The following LARGE1 variants were observed in gnomAD, a reference collection of about 807,000 sequenced individuals.
LARGE1 encodes xylosyl- and glucuronyltransferase LARGE1.
LARGE1 carries 43 observed loss-of-function variants against 87.6 expected under a neutral mutation model. The ratio of observed to expected loss-of-function variants is 0.49; its 90% CI spans 0.38 to 0.63. The LOEUF is 0.63. Ranked by LOEUF, LARGE1 falls within the 30% of genes least tolerant of loss-of-function variation. The probability of loss-of-function intolerance (pLI) is 0.00; values close to 1 mark genes in which losing one functional copy is unlikely to be tolerated. For missense variants in LARGE1, 802 were observed against 1,000.2 expected (o/e 0.80, Z 2.67); for synonymous variants, 434 against 394.6 (o/e 1.10, Z -1.18).
intron 2 of LARGE1, chr22:33,733,526 A>G (rs2083543110): frequency 6.6e-6 from 1 of 152,224 alleles, no homozygotes; most frequent in South Asian, 2.1e-4. Flanking sequence ...TAGAGATGAC[A>G]CATATATCTT....
intron 2 of LARGE1, among the ~76,000 whole-genome samples, chr22:33,748,421 C>T (rs575580718): frequency 8.5e-5 from 13 of 152,312 alleles, no homozygotes; most frequent in Non-Finnish European, 1.8e-4. Context: ...ATATTCAACT[C>T]TGTTGACTCC....
chr22:33,763,148 T>C (rs1421832030), intron 1 of LARGE1, among the ~76,000 whole-genome samples: 1 of 152,158 alleles, frequency 6.6e-6, no homozygotes, highest in Non-Finnish European at 1.5e-5. Flanking sequence ...AAACTTAGCA[T>C]ATTGCCTGTC....
rs766168188 is a variant in LARGE1, at chr22:33,650,671, G to A, written c.107-3C>T. 6.3e-7 allele frequency: 1 copy of A among 1,599,346 alleles called. No homozygotes were observed. The highest frequency in any genetic ancestry group is 8.5e-7 in the Non-Finnish European group (1 of 1,179,924). Reference sequence around the variant, plus strand: ...TGACAGAGACACGGGCTTTCCATCTGGGGAGCGAAACACCAGGGAAGCTTT... The same window carrying A: ...TGACAGAGACACGGGCTTTCCATCTAGGGAGCGAAACACCAGGGAAGCTTT... On this transcript the variant is annotated splice_polypyrimidine_tract_variant and splice_region_variant and intron_variant, in intron 2 of 14. Transcript: ENST00000397394.
chr22:33,658,279 A>G (rs746255517), intron 2 of LARGE1, among the ~76,000 whole-genome samples: 2 of 152,232 alleles, frequency 1.3e-5, no homozygotes, highest in Admixed American at 6.5e-5. Flanking sequence ...CAGCATTTAA[A>G]AAAAAATTTT....
intron 13 of LARGE1, among the ~76,000 whole-genome samples, chr22:33,277,619 G>T (rs1176787295): frequency 6.6e-6 from 1 of 152,188 alleles, no homozygotes; most frequent in Non-Finnish European, 1.5e-5. Flanking sequence ...ATCAAAGATT[G>T]CTAAACACTG....
Position 33,849,862 on chromosome 22 carries a change from A to C in LARGE1, c.-83+70133T>G, listed in dbSNP as rs1386222919. On this transcript the variant is annotated intron_variant, in intron 1 of 14. Coordinates refer to ENST00000397394, the MANE Select transcript of LARGE1 (RefSeq NM_133642.5). ...GCGATCCTCCCGCCTCTGCCTCCCA[A>C]AGTACTGGGATTACAGGCGTGAGCC... 2.0e-5 allele frequency among the ~76,000 whole-genome samples: 3 copies of C among 151,992 alleles called. No individual in the cohort carries two copies. The East Asian group carries it at 5.8e-4, about 29-fold the overall frequency.
chr22:33,887,970 C>T (rs1176916776), intron 1 of LARGE1, among the ~76,000 whole-genome samples: 3 of 152,306 alleles, frequency 2.0e-5, no homozygotes, highest in African/African-American at 7.2e-5. Context: ...GAATATGGTC[C>T]ACTTTGCTCA....
At chr22:33,312,209 C>T (rs1430728129) in intron 11 of LARGE1, among the ~76,000 whole-genome samples, 1 of 151,936 alleles carries the variant, frequency 6.6e-6, no homozygotes, top group African/African-American at 2.4e-5. Flanking sequence ...TTTGGGAGGC[C>T]AAGGTGGGCA....
intron 1 of LARGE1, among the ~76,000 whole-genome samples, chr22:33,875,089 T>A (rs1055746423): frequency 2.0e-5 from 3 of 152,174 alleles, no homozygotes; most frequent in Non-Finnish European, 4.4e-5. Context: ...GCTCAACAAC[T>A]CACTCACTAG....
At chr22:33,852,123 T>C (rs2063600276) in intron 1 of LARGE1, among the ~76,000 whole-genome samples, 1 of 152,202 alleles carries the variant, frequency 6.6e-6, no homozygotes, top group African/African-American at 2.4e-5. Flanking sequence ...GAAGGAACTA[T>C]TCTTTGTAAT....
chr22:33,878,100 A>AAAT (rs531888960), intron 1 of LARGE1, among the ~76,000 whole-genome samples: 64 of 130,544 alleles, frequency 4.9e-4, no homozygotes, highest in Non-Finnish European at 8.5e-4. Context: ...AAAATATTTA[A>AAAT]AATTATGTAT....
chr22:33,299,040 C>A (rs1009861702), intron 12 of LARGE1, among the ~76,000 whole-genome samples: 1 of 151,348 alleles, frequency 6.6e-6, no homozygotes, highest in Non-Finnish European at 1.5e-5. Flanking sequence ...GAAACCCTGT[C>A]TTTACAAATG....
intron 6 of LARGE1, among the ~76,000 whole-genome samples, chr22:33,506,420 A>G (rs551008267): frequency 1.3e-5 from 2 of 152,256 alleles, no homozygotes; most frequent in South Asian, 4.1e-4. Flanking sequence ...TCCTCGAGGA[A>G]ACCCTTCCTC....
chr22:33,464,493 G>A (rs1017932395), intron 6 of LARGE1, among the ~76,000 whole-genome samples: 3 of 152,128 alleles, frequency 2.0e-5, no homozygotes, highest in African/African-American at 7.2e-5. Context: ...GGCTTAGTTT[G>A]CAGAACAGAT....
intron 12 of LARGE1, among the ~76,000 whole-genome samples, chr22:33,300,443 A>G (rs1933992319): frequency 6.6e-6 from 1 of 152,152 alleles, no homozygotes; most frequent in Non-Finnish European, 1.5e-5. Context: ...TGGCACAATC[A>G]TGGCTCACTC....
At chr22:33,661,918 T>C (rs1482942602) in intron 2 of LARGE1, among the ~76,000 whole-genome samples, 1 of 151,976 alleles carries the variant, frequency 6.6e-6, no homozygotes, top group Non-Finnish European at 1.5e-5. Context: ...AGTTGTTCCA[T>C]GAATGTCTTG....
At chr22:33,912,590 T>C (rs1428084533) in intron 1 of LARGE1, among the ~76,000 whole-genome samples, 1 of 152,170 alleles carries the variant, frequency 6.6e-6, no homozygotes, top group African/African-American at 2.4e-5. Context: ...AGCCCCATAA[T>C]GCGACAAAAG....
chr22:33,129,755 TG>T, the LARGE1 span, among the ~76,000 whole-genome samples: 1 of 152,094 alleles, frequency 6.6e-6, no homozygotes, highest in Non-Finnish European at 1.5e-5. Flanking sequence ...CAGGATGGAT[TG>T]AGTGCAGGCA....
At chr22:33,293,452 T>C (rs1003085866) in intron 12 of LARGE1, among the ~76,000 whole-genome samples, 2 of 152,220 alleles carry the variant, frequency 1.3e-5, no homozygotes, top group African/African-American at 4.8e-5. Flanking sequence ...ATGATATTAA[T>C]GAAGTCTGCA....
Sources: allele counts gnomAD v4.1 joint callset (sites outside exome capture counted in the v4.1 genomes callset), GRCh38; gene constraint gnomAD v4.1.1; transcripts MANE v1.5; gene names NCBI Gene and HGNC (gene_info 2026-07-23, HGNC 2026-07-21).